Variants in PRR5 observed in about 807,000 individuals in gnomAD.
PRR5 encodes the protein proline rich 5, also known as proline-rich protein 5.
Under a neutral mutation model 30.6 loss-of-function variants are expected in PRR5, and 25 were observed. That is an observed-to-expected ratio of 0.82 (90% CI 0.60 to 1.14). The LOEUF is 1.14. Ranked by LOEUF, PRR5 falls within the 50% of genes most tolerant of loss-of-function variation. PRR5 has a pLI of 0.00. For synonymous variants in PRR5, 286 were observed against 247.1 expected (o/e 1.16, Z -1.48); for missense variants, 600 against 547.1 (o/e 1.10, Z -0.96).
intron 1 of PRR5, among the ~76,000 whole-genome samples, chr22:44,684,873 G>A (rs936133215): frequency 6.6e-6 from 1 of 152,182 alleles, no homozygotes; most frequent in Non-Finnish European, 1.5e-5. Flanking sequence ...GGAGGCTCAG[G>A]CGTCCTCCCT....
At chr22:44,730,138 C>T (rs1273114066) in intron 4 of PRR5, 1 of 985,110 alleles carries the variant, frequency 1.0e-6, no homozygotes, top group Non-Finnish European at 1.2e-6. Context: ...TGCCCTCGAA[C>T]CTACATGAAG....
intron 4 of PRR5, chr22:44,730,115 G>A (rs1921671017): frequency 2.0e-6 from 2 of 985,310 alleles, no homozygotes; most frequent in Non-Finnish European, 2.4e-6. Flanking sequence ...CCCTGGCGGG[G>A]TCCCACTCCT....
At chr22:44,729,548 G>A in intron 4 of PRR5, 1 of 985,514 alleles carries the variant, frequency 1.0e-6, no homozygotes, top group African/African-American at 1.7e-5. Flanking sequence ...CTTTCGACCT[G>A]CCCACGTGGG....
rs556514733 is a variant in PRR5, at chr22:44,727,253, G to T, written c.322+619G>T. Among the ~76,000 whole-genome samples, 3 of 152,240 alleles carry T rather than the reference G, an allele frequency of 2.0e-5. No homozygotes were observed. In the East Asian group the frequency reaches 5.8e-4, roughly 30 times the overall value. ...CGGAGGTCCCCGCTGGCCTCACTGT[G>T]CAGGTTGGGCTTCCCGTGGCCGAGA... On this transcript the variant is annotated intron_variant, in intron 4 of 7. Coordinates refer to ENST00000336985, the MANE Select transcript of PRR5 (RefSeq NM_181333.4).
Position 44,736,936 on chromosome 22 carries a change from A to T in PRR5, c.856A>T (p.Met286Leu). 6.2e-7 allele frequency: 1 copy of T among 1,606,830 alleles called. No individual in the cohort carries two copies. Among genetic ancestry groups the T allele is most frequent in the Non-Finnish European group, 8.5e-7 (1 of 1,178,124 alleles). ...TSIRRHSVSE[M>L]TSCPEPQGFS... ...CATCCGCAGGCACTCTGTGTCGGAG[A>T]TGACGTCCTGCCCCGAGCCTCAGGG... The change falls in exon 8 of 8, where the codon ATG becomes TTG. Residue 286 changes from methionine to leucine, a missense_variant. Coordinates refer to ENST00000336985, the MANE Select transcript of PRR5 (RefSeq NM_181333.4).
chr22:44,716,673 A>T (rs984208133), intron 2 of PRR5, among the ~76,000 whole-genome samples: 6 of 152,192 alleles, frequency 3.9e-5, no homozygotes, highest in African/African-American at 1.4e-4. Flanking sequence ...CTAATAATGA[A>T]TAGAGCTGGA....
intron 4 of PRR5, 117 bp from the exon 5 acceptor site, chr22:44,731,613 G>A: frequency 1.0e-6 from 1 of 1,003,058 alleles, no homozygotes; most frequent in Non-Finnish European, 1.6e-6. Context: ...GGCAGGTGCT[G>A]CCAGGGGCCT....
At chr22:44,697,727 G>A (rs552993958), upstream of PRR5, among the ~76,000 whole-genome samples, 9 of 152,328 alleles carry the variant, frequency 5.9e-5, no homozygotes, top group East Asian at 3.9e-4. Flanking sequence ...CGCCCAGCCC[G>A]CAGGGCTCCA....
At chr22:44,698,170 A>G (rs1299983645), upstream of PRR5, among the ~76,000 whole-genome samples, 2 of 152,220 alleles carry the variant, frequency 1.3e-5, no homozygotes, top group Non-Finnish European at 2.9e-5. Context: ...GGGATCCTCT[A>G]CCAGCTGCCG....
chr22:44,728,012 C>T (rs994484825), intron 4 of PRR5, among the ~76,000 whole-genome samples: 4 of 152,240 alleles, frequency 2.6e-5, no homozygotes, highest in Non-Finnish European at 5.9e-5. Flanking sequence ...CTGGCGGTGC[C>T]TGTACCTCCC....
At chr22:44,700,833 TAAAC>T (rs1445209677), upstream of PRR5, among the ~76,000 whole-genome samples, 2 of 152,302 alleles carry the variant, frequency 1.3e-5, no homozygotes, top group East Asian at 3.9e-4. Context: ...TGATTTGCAC[TAAAC>T]AAAGACTCTT....
chr22:44,729,340 G>C (rs1921479170), intron 4 of PRR5: 2 of 984,510 alleles, frequency 2.0e-6, no homozygotes, highest in African/African-American at 1.7e-5. Flanking sequence ...TCAGCACTCG[G>C]ATAAAGAAAG....
intron 1 of PRR5, among the ~76,000 whole-genome samples, chr22:44,712,538 A>T (rs1413097754): frequency 3.3e-5 from 5 of 152,344 alleles, no homozygotes; most frequent in Admixed American, 1.3e-4. Flanking sequence ...GTTCAGGTGC[A>T]CAGGGGCCCA....
intron 2 of PRR5, among the ~76,000 whole-genome samples, chr22:44,717,816 A>G (rs1437277047): frequency 1.3e-5 from 2 of 150,844 alleles, no homozygotes; most frequent in African/African-American, 4.9e-5. Flanking sequence ...TCCCAGGTTC[A>G]AGGATTCTCC....
chr22:44,732,544 G>C (rs1922223049), intron 6 of PRR5, among the ~76,000 whole-genome samples, 153 bp downstream of exon 6: 1 of 152,208 alleles, frequency 6.6e-6, no homozygotes, highest in East Asian at 1.9e-4. Context: ...CAGGGACCGG[G>C]GAGCAGCTGG....
At chr22:44,724,376 T>C (rs1228615446) in intron 2 of PRR5, among the ~76,000 whole-genome samples, 1 of 151,886 alleles carries the variant, frequency 6.6e-6, no homozygotes, top group Non-Finnish European at 1.5e-5. Flanking sequence ...CACCGCAACC[T>C]CTAGGTTGAG....
intron 2 of PRR5, among the ~76,000 whole-genome samples, chr22:44,718,749 G>A (rs56204433): frequency 0.018 from 2,704 of 152,284 alleles, 87 homozygotes; most frequent in African/African-American, 0.061. Flanking sequence ...GATGACTGAT[G>A]ATGTTGAGCA....
At chr22:44,726,709 G>GCTGGGGGCCT in intron 4 of PRR5, 75 bp downstream of exon 4, 1 of 1,606,958 alleles carries the variant, frequency 6.2e-7, no homozygotes, top group Non-Finnish European at 8.5e-7. Flanking sequence ...TGGGCCTCGT[G>GCTGGGGGCCT]CTGGGGGCCT....
intron 7 of PRR5, among the ~76,000 whole-genome samples, chr22:44,736,166 A>G (rs1303624897): frequency 6.6e-6 from 1 of 152,130 alleles, no homozygotes; most frequent in Non-Finnish European, 1.5e-5. Context: ...GTCTACCCTC[A>G]GCCCCCACAG....
Sources: allele counts gnomAD v4.1 joint callset (sites outside exome capture counted in the v4.1 genomes callset), GRCh38; gene constraint gnomAD v4.1.1; transcripts MANE v1.5; gene names NCBI Gene and HGNC (gene_info 2026-07-23, HGNC 2026-07-21).